Variants in PDZRN3 observed in about 807,000 individuals in gnomAD.
PDZRN3 encodes the protein PDZ domain containing ring finger 3, also known as E3 ubiquitin-protein ligase PDZRN3.
PDZRN3 carries 38 observed loss-of-function variants against 85.7 expected under a neutral mutation model. That is an observed-to-expected ratio of 0.44 (90% confidence interval 0.34 to 0.58). The LOEUF (loss-of-function observed/expected upper bound fraction) is 0.58, where lower values mean the gene tolerates loss of function less well. Ranked by LOEUF, PDZRN3 falls within the 20% of genes least tolerant of loss-of-function variation. PDZRN3 has a pLI of 0.01. For synonymous variants in PDZRN3, 759 were observed against 638.0 expected, an observed-to-expected ratio of 1.19 and a Z score of -2.86; for missense variants, 1,629 against 1,506.4, an observed-to-expected ratio of 1.08 and a Z score of -1.35.
At chr3:73,452,549 T>C (rs1222630429) in intron 3 of PDZRN3, among the ~76,000 whole-genome samples, 1 of 152,206 alleles carries the variant, frequency 6.6e-6, no homozygotes, top group Non-Finnish European at 1.5e-5. Context: ...GGGAACAAGA[T>C]GTATGGCCAA....
At chr3:73,438,589 G>A (rs1048966699) in intron 3 of PDZRN3, among the ~76,000 whole-genome samples, 1 of 152,152 alleles carries the variant, frequency 6.6e-6, no homozygotes, top group Non-Finnish European at 1.5e-5. Flanking sequence ...GTTAGGCACC[G>A]GCCAGTCACG....
intron 3 of PDZRN3, among the ~76,000 whole-genome samples, chr3:73,464,130 C>A (rs143101269): frequency 1.3e-5 from 2 of 152,204 alleles, no homozygotes; most frequent in East Asian, 1.9e-4. Context: ...GGATCACAGA[C>A]GCACATCACC....
chr3:73,507,199 G>GCT (rs772215212), intron 3 of PDZRN3, among the ~76,000 whole-genome samples: 38 of 151,838 alleles, frequency 2.5e-4, no homozygotes, highest in Admixed American at 8.5e-4. Context: ...ACGAAGTCTC[G>GCT]CTCTTGTCCC....
intron 3 of PDZRN3, among the ~76,000 whole-genome samples, chr3:73,412,403 G>C (rs949837574): frequency 6.6e-6 from 1 of 152,212 alleles, no homozygotes; most frequent in Non-Finnish European, 1.5e-5. Context: ...GAAAGGACAG[G>C]AAGAGTCCTC....
chr3:73,622,055 G>C (rs1164253775), intron 1 of PDZRN3, among the ~76,000 whole-genome samples: 2 of 152,320 alleles, frequency 1.3e-5, no homozygotes, highest in African/African-American at 2.4e-5. Flanking sequence ...GACGAAGGAA[G>C]TCCAGATGAC....
At chr3:73,514,048 G>T (rs1223270888) in intron 3 of PDZRN3, among the ~76,000 whole-genome samples, 1 of 152,194 alleles carries the variant, frequency 6.6e-6, no homozygotes, top group Admixed American at 6.5e-5. Context: ...TTTTAGGAAG[G>T]TGATTAGTAA....
chr3:73,563,177 C>T (rs1273202974), intron 3 of PDZRN3, among the ~76,000 whole-genome samples: 2 of 149,868 alleles, frequency 1.3e-5, no homozygotes, highest in Non-Finnish European at 3.0e-5. Context: ...CGCCACCACG[C>T]CCGGCTATTT....
At position 73,384,056 on chromosome 3, in the gene PDZRN3, C is replaced by A. The variant is rs376925098; in HGVS notation, c.2510G>T (p.Ser837Ile). 6.2e-7 allele frequency: 1 copy of A among 1,606,946 alleles called. No individual in the cohort carries two copies. The highest frequency in any genetic ancestry group is 1.3e-5 in the African/African-American group (1 of 74,734). ...KELDPNQPLE[S>I]KERRASDGSR... ...CCCGTCGCTGGCTCTCCGCTCTTTG[C>A]TTTCCAGGGGCTGGTTGGGGTCCAG... Residue 837 changes from serine (S) to isoleucine (I), a missense_variant, in exon 10 of 10, where the codon AGC (serine) becomes ATC (isoleucine). Coordinates refer to ENST00000263666, the MANE Select transcript of PDZRN3 (RefSeq NM_015009.3).
rs184065862 is a variant in PDZRN3 at position 73,423,175 on chromosome 3, T to A, written c.919-18780A>T. ...CCCGCTGCTAACTGAAATATTGTTA[T>A]GAAGGATAGTAATTTCTCTGTTTTG... is the stretch of plus-strand genomic sequence containing the variant. On this transcript the variant is annotated intron_variant, in intron 3 of 9. Coordinates refer to ENST00000263666, the MANE Select transcript of PDZRN3 (RefSeq NM_015009.3). Among the ~76,000 whole-genome samples, 235 of 152,358 alleles carry A rather than the reference T, an allele frequency of 1.5e-3. 1 individual carries two copies. The highest frequency in any genetic ancestry group is 5.5e-3 in the African/African-American group (227 of 41,588).
At chr3:73,418,611 C>T (rs931885985) in intron 3 of PDZRN3, among the ~76,000 whole-genome samples, 3 of 152,172 alleles carry the variant, frequency 2.0e-5, no homozygotes, top group Non-Finnish European at 4.4e-5. Context: ...AGCTACAACT[C>T]CACAATCTCC....
intron 3 of PDZRN3, among the ~76,000 whole-genome samples, chr3:73,427,281 T>C (rs1448791529): frequency 1.3e-5 from 2 of 152,206 alleles, no homozygotes; most frequent in African/African-American, 2.4e-5. Flanking sequence ...GTCACATAAA[T>C]GACAGTGGCA....
intron 5 of PDZRN3, among the ~76,000 whole-genome samples, chr3:73,395,102 G>A (rs1701609254): frequency 1.3e-5 from 2 of 152,234 alleles, no homozygotes; most frequent in East Asian, 3.8e-4. Flanking sequence ...TAATGAGGGA[G>A]GTTGCCTTGA....
intron 3 of PDZRN3, among the ~76,000 whole-genome samples, chr3:73,589,033 C>T (rs942198131): frequency 6.8e-6 from 1 of 147,216 alleles, no homozygotes; most frequent in Non-Finnish European, 1.5e-5. Context: ...TAATGGCCAT[C>T]CTCCCAGAAG....
At chr3:73,543,221 G>A (rs1028659827) in intron 3 of PDZRN3, among the ~76,000 whole-genome samples, 1 of 152,202 alleles carries the variant, frequency 6.6e-6, no homozygotes, top group Non-Finnish European at 1.5e-5. Flanking sequence ...AGGCAAGCAA[G>A]TCCAGTGCCC....
At chr3:73,519,898 C>T (rs1259432564) in intron 3 of PDZRN3, among the ~76,000 whole-genome samples, 1 of 152,074 alleles carries the variant, frequency 6.6e-6, no homozygotes, top group Non-Finnish European at 1.5e-5. Flanking sequence ...ACCTTACTGG[C>T]CAGAGCTGCC....
chr3:73,505,903 A>G (rs539649864), intron 3 of PDZRN3, among the ~76,000 whole-genome samples: 3 of 152,210 alleles, frequency 2.0e-5, no homozygotes, highest in Non-Finnish European at 4.4e-5. Flanking sequence ...TAATAAGCAC[A>G]GAGGAGGCAC....
intron 3 of PDZRN3, among the ~76,000 whole-genome samples, chr3:73,451,067 G>T (rs1174101515): frequency 6.6e-6 from 1 of 152,124 alleles, no homozygotes; most frequent in Non-Finnish European, 1.5e-5. Context: ...CAATAGGATG[G>T]CAGAAACAGT....
chr3:73,571,813 T>C (rs1702050584), intron 3 of PDZRN3, among the ~76,000 whole-genome samples: 1 of 152,102 alleles, frequency 6.6e-6, no homozygotes, highest in Admixed American at 6.5e-5. Context: ...GGCAGTGAGA[T>C]GGAAGCTGGT....
intron 3 of PDZRN3, among the ~76,000 whole-genome samples, chr3:73,504,527 G>C (rs996112414): frequency 2.0e-5 from 3 of 152,112 alleles, no homozygotes; most frequent in Non-Finnish European, 4.4e-5. Context: ...CACACCAGTG[G>C]ACTCAATTCG....
Sources: gnomAD v4.1 joint callset for allele counts (sites outside exome capture counted in the v4.1 genomes callset) on GRCh38, gnomAD v4.1.1 for gene constraint, MANE v1.5 for transcripts, NCBI Gene and HGNC (gene_info 2026-07-23, HGNC 2026-07-21) for gene names.